Variants in DCAF1 observed in about 807,000 individuals in gnomAD.
The protein encoded by DCAF1 is DDB1 and CUL4 associated factor 1.
A neutral mutation model predicts 128.0 loss-of-function variants in DCAF1; 15 were observed. The observed-to-expected ratio is 0.12, with a 90% CI of 0.08 to 0.18. DCAF1 has a LOEUF of 0.18. Among genes scored for constraint, DCAF1 ranks in the 10% least tolerant of loss-of-function variants. DCAF1 has a pLI of 1.00. For missense variants in DCAF1, 988 were observed against 1,649.5 expected, an observed-to-expected ratio of 0.60 and a Z score of 6.95; for synonymous variants, 610 against 603.0, an observed-to-expected ratio of 1.01 and a Z score of -0.17.
Position 51,494,075 on chromosome 3 carries a change from G to C in DCAF1, c.-9+2659C>G, listed in dbSNP as rs547588814. 2.0e-5 allele frequency among the ~76,000 whole-genome samples: 3 copies of C among 151,500 alleles called. No homozygotes were observed. In the East Asian group the frequency reaches 5.8e-4, roughly 29 times the overall value. The stretch of plus-strand genomic sequence containing the variant: ...TAGTTGCCAAGGACTTGAGGAAAGG[G>C]GAAAATGGGCAGTGACTGCTAAATG... On this transcript the variant is annotated intron_variant, in intron 2 of 24. Coordinates refer to ENST00000684031, the MANE Select transcript of DCAF1 (RefSeq NM_001387579.1).
chr3:51,496,007 A>AG (rs1405771251), intron 2 of DCAF1, among the ~76,000 whole-genome samples: 3 of 151,984 alleles, frequency 2.0e-5, no homozygotes, highest in Non-Finnish European at 4.4e-5. Flanking sequence ...GAAAAAAAAA[A>AG]AAGGCCGGGC....
chr3:51,498,534 A>G (rs1553662542), intron 1 of DCAF1, among the ~76,000 whole-genome samples: 1 of 152,160 alleles, frequency 6.6e-6, no homozygotes, highest in Non-Finnish European at 1.5e-5. Context: ...GTTCAAAACC[A>G]GCCTGGGCAA....
At chr3:51,416,728 A>G (rs1698913559) in intron 18 of DCAF1, 59 bp downstream of exon 18, 2 of 1,559,166 alleles carry the variant, frequency 1.3e-6, no homozygotes, top group Non-Finnish European at 8.7e-7. Flanking sequence ...TATCAAGAAG[A>G]TTTCAGTATG....
intron 24 of DCAF1, 122 bp downstream of exon 24, chr3:51,403,021 T>G: frequency 6.9e-7 from 1 of 1,439,188 alleles, no homozygotes; most frequent in Non-Finnish European, 9.2e-7. Context: ...GAGACCAGAG[T>G]AGTGAATCAA....
intron 3 of DCAF1, among the ~76,000 whole-genome samples, chr3:51,475,585 G>A (rs183534976): frequency 2.6e-5 from 4 of 152,342 alleles, no homozygotes; most frequent in South Asian, 2.1e-4. Context: ...TCCAGGGCCC[G>A]GCGTGGTGGC....
At chr3:51,403,417 C>G in intron 23 of DCAF1, 22 bp from the exon 24 acceptor site, 1 of 1,551,322 alleles carries the variant, frequency 6.4e-7, no homozygotes, top group African/African-American at 1.4e-5. Flanking sequence ...GCGTAATGTT[C>G]ATTAGTACAA....
upstream of DCAF1, among the ~76,000 whole-genome samples, chr3:51,500,915 A>G (rs1708774590): frequency 6.7e-6 from 1 of 148,604 alleles, no homozygotes. Context: ...TCCTGGGCTC[A>G]AGCTATCTTC....
chr3:51,504,546 C>T (rs768067203), upstream of DCAF1, among the ~76,000 whole-genome samples: 2 of 152,104 alleles, frequency 1.3e-5, no homozygotes, highest in African/African-American at 4.8e-5. Context: ...TGGGGTTTCA[C>T]CATGTTGGCC....
At chr3:51,397,503 A>G (rs1413107866), downstream of DCAF1, 1 of 167,120 alleles carries the variant, frequency 6.0e-6, no homozygotes, top group Non-Finnish European at 1.5e-5. Context: ...TCCATCCTCC[A>G]AAACTTCCCA....
Position 51,497,327 on chromosome 3 carries a change from C to T in DCAF1, c.-55-547G>A, listed in dbSNP as rs537679627. ...AAAAATAGGCGGGCACGGTGGCTCA[C>T]GCCTGTAATCCCAGCACTTTGGGAG... is the stretch of plus-strand genomic sequence containing the variant. On this transcript the variant is annotated intron_variant, in intron 1 of 24. Coordinates refer to ENST00000684031, the MANE Select transcript of DCAF1 (RefSeq NM_001387579.1). 1.1e-3 allele frequency among the ~76,000 whole-genome samples: 172 copies of T among 151,444 alleles called. 1 individual carries two copies. The highest frequency in any genetic ancestry group is 3.8e-3 in the African/African-American group (158 of 41,256).
In DCAF1 at chr3:51,419,998, T is replaced by C; in HGVS notation, c.2972A>G (p.Lys991Arg). Residue 991 changes from lysine (K) to arginine (R), a missense_variant, in exon 15 of 25, where the codon AAA (lysine) becomes AGA (arginine). By Grantham distance (26) the Lys-to-Arg change is conservative. Around this residue, in one of 11 missense-constraint regions of DCAF1, gnomAD observed 105 missense variants for 266.7 expected, o/e 0.39. Coordinates refer to ENST00000684031, the MANE Select transcript of DCAF1 (RefSeq NM_001387579.1). ...HGAYSQSPAI[K>R]KQLDRHLPSP... ...AGGAAGATGTCTGTCCAGCTGTTTT[T>C]TTATGGCTGGGCTTTGGCTGTAGGC... 1 of 1,614,034 alleles carries C rather than the reference T, an allele frequency of 6.2e-7. No individual in the cohort carries two copies. Among genetic ancestry groups the C allele is most frequent in the Non-Finnish European group, 8.5e-7 (1 of 1,179,892 alleles).
chr3:51,500,509 T>C (rs1553663870), upstream of DCAF1, among the ~76,000 whole-genome samples: 1 of 152,180 alleles, frequency 6.6e-6, no homozygotes, highest in Admixed American at 6.6e-5. Context: ...ACAGCACTCA[T>C]TAAATCAGAA....
intron 22 of DCAF1, 83 bp downstream of exon 22, chr3:51,412,910 T>C: frequency 1.9e-6 from 3 of 1,564,738 alleles, no homozygotes; most frequent in Non-Finnish European, 2.6e-6. Context: ...ACATCTTATA[T>C]CAGACAAAAT....
chr3:51,466,003 A>C (rs1704089467), intron 5 of DCAF1, among the ~76,000 whole-genome samples: 1 of 152,130 alleles, frequency 6.6e-6, no homozygotes, highest in African/African-American at 2.4e-5. Context: ...ATTTGAGACT[A>C]GCCTGGCCAA....
At chr3:51,430,371 T>C (rs1700261043) in intron 10 of DCAF1, among the ~76,000 whole-genome samples, 159 bp from the exon 11 acceptor site, 1 of 152,186 alleles carries the variant, frequency 6.6e-6, no homozygotes, top group South Asian at 2.1e-4. Context: ...ACAAAGGCAA[T>C]TTTAGAACAC....
intron 6 of DCAF1, among the ~76,000 whole-genome samples, chr3:51,458,800 G>A (rs1195126658): frequency 6.6e-6 from 1 of 152,174 alleles, no homozygotes; most frequent in Non-Finnish European, 1.5e-5. Flanking sequence ...TGAACAACCT[G>A]CTCCTGAATG....
At chr3:51,419,017 T>C in intron 15 of DCAF1, 141 bp from the exon 16 acceptor site, 2 of 1,346,432 alleles carry the variant, frequency 1.5e-6, no homozygotes, top group African/African-American at 3.0e-5. Context: ...TCAGTGCTTT[T>C]TATTTTAAAT....
intron 6 of DCAF1, among the ~76,000 whole-genome samples, chr3:51,461,119 C>T (rs1439134366): frequency 6.6e-6 from 1 of 151,360 alleles, no homozygotes; most frequent in South Asian, 2.1e-4. Context: ...TCAGAGTGAA[C>T]AGGCAACCTA....
At chr3:51,433,022 CA>C in intron 10 of DCAF1, 83 bp downstream of exon 10, 1 of 397,134 alleles carries the variant, frequency 2.5e-6, no homozygotes, top group Non-Finnish European at 4.4e-6. Context: ...TTTTCTTATC[CA>C]AAAGTCATTC....
Sources: gnomAD v4.1 joint callset for allele counts (sites outside exome capture counted in the v4.1 genomes callset) on GRCh38, gnomAD v4.1.1 for gene constraint, gnomAD v4.1.1 regional missense constraint, MANE v1.5 for transcripts, NCBI Gene and HGNC (gene_info 2026-07-23, HGNC 2026-07-21) for gene names.